PNLDC1: variants seen among roughly 807,000 people sequenced by gnomAD.
PNLDC1 encodes the protein PARN like ribonuclease domain containing exonuclease 1.
In PNLDC1, 70 loss-of-function variants were observed where a neutral mutation model predicts 82.0. That is an observed-to-expected ratio of 0.85 (90% CI 0.70 to 1.04). The LOEUF (loss-of-function observed/expected upper bound fraction) is 1.04. Among genes scored for constraint, PNLDC1 ranks in the 50% least tolerant of loss-of-function variants. The pLI, the probability that PNLDC1 is intolerant of heterozygous loss-of-function variation, is 0.00. For synonymous variants in PNLDC1, 280 were observed against 249.3 expected (o/e 1.12, Z -1.16); for missense variants, 631 against 661.1 (o/e 0.95, Z 0.50).
At chr6:159,803,151 T>G (rs1329775094) in intron 3 of PNLDC1, 120 bp from the exon 4 acceptor site, 3 of 780,178 alleles carry the variant, frequency 3.8e-6, no homozygotes, top group Non-Finnish European at 6.4e-6. Context: ...GATGTTATCC[T>G]GTTGTACAGC....
At chr6:159,810,156 G>T in intron 10 of PNLDC1, 61 bp downstream of exon 10, 2 of 1,470,948 alleles carry the variant, frequency 1.4e-6, no homozygotes, top group South Asian at 2.3e-5. Flanking sequence ...CAGAGGGATT[G>T]GTACACAATC....
At chr6:159,812,791 G>A (rs1781685992) in intron 11 of PNLDC1, among the ~76,000 whole-genome samples, 1 of 152,200 alleles carries the variant, frequency 6.6e-6, no homozygotes, top group African/African-American at 2.4e-5. Flanking sequence ...GGAGGCTGAG[G>A]TGGGTGAATG....
chr6:159,819,524 G>T lies in PNLDC1; in HGVS notation c.1532+172G>T, dbSNP rs1319259949. ...TGTCCTTCAGTGATGCCGCGTGTCT[G>T]TCGAGCACCTGCTGTGCTGGGCACC... On this transcript the variant is annotated intron_variant, in intron 18 of 18. Coordinates refer to ENST00000392167, the MANE Select transcript of PNLDC1 (RefSeq NM_001271862.2). The surrounding 1 kb of genome is among the most constrained non-coding windows in gnomAD (Gnocchi z 4.6). Among the ~76,000 whole-genome samples, 1 of 152,220 alleles carries T rather than the reference G, an allele frequency of 6.6e-6. No individual in the cohort carries two copies. The highest frequency in any genetic ancestry group is 6.5e-5 in the Admixed American group (1 of 15,280).
chr6:159,818,123 C>T (rs971291410), intron 15 of PNLDC1, among the ~76,000 whole-genome samples: 6 of 152,164 alleles, frequency 3.9e-5, no homozygotes, highest in South Asian at 2.1e-4. Context: ...CGGGGCCCTG[C>T]GCTCAGGTGT....
chr6:159,816,620 A>G, intron 14 of PNLDC1, 24 bp downstream of exon 14: 1 of 1,594,506 alleles, frequency 6.3e-7, no homozygotes, highest in Non-Finnish European at 8.5e-7. Context: ...TTCCTTTAAA[A>G]GGAAACTCAC....
intron 14 of PNLDC1, 64 bp from the exon 15 acceptor site, chr6:159,817,045 G>A (rs953642362): frequency 1.4e-6 from 2 of 1,463,784 alleles, no homozygotes; most frequent in African/African-American, 2.8e-5. Flanking sequence ...CACATAATGA[G>A]ATAAAGCATA....
rs1035105342 is a variant in PNLDC1 at position 159,804,160 on chromosome 6, A to G, written c.372+72A>G. The G allele has an allele frequency of 3.2e-6, 5 of 1,550,982 alleles. No individual in the cohort carries two copies. In the Admixed American group the frequency reaches 9.0e-5, roughly 28 times the overall value. On this transcript the variant is annotated intron_variant, in intron 5 of 18. Coordinates refer to ENST00000392167, the MANE Select transcript of PNLDC1 (RefSeq NM_001271862.2). Reference sequence around the variant, plus strand: ...GAGATGGAGTCTCGCTCTGTTGCCCAGGCTGGAGTGCAGTGGTGCAATCTT... The same window carrying G: ...GAGATGGAGTCTCGCTCTGTTGCCCGGGCTGGAGTGCAGTGGTGCAATCTT...
chr6:159,818,262 C>G (rs976142874), intron 15 of PNLDC1, among the ~76,000 whole-genome samples: 1 of 152,202 alleles, frequency 6.6e-6, no homozygotes, highest in Non-Finnish European at 1.5e-5. Flanking sequence ...ATAGTGGCCT[C>G]GCACTGATTC....
intron 1 of PNLDC1, 163 bp downstream of exon 1, chr6:159,800,546 G>C: frequency 7.4e-7 from 1 of 1,343,964 alleles, no homozygotes; most frequent in South Asian, 1.4e-5. Flanking sequence ...GGGACTTTGA[G>C]CAGCAAGTAC....
At position 159,819,895 on chromosome 6, in the gene PNLDC1, C is replaced by G. The variant is rs1781978904; in HGVS notation, c.1532+543C>G. On this transcript the variant is annotated intron_variant, in intron 18 of 18. Coordinates refer to ENST00000392167, the MANE Select transcript of PNLDC1 (RefSeq NM_001271862.2). This position sits in a 1 kb window ranked among gnomAD's most constrained non-coding sequence, Gnocchi z 4.6. Reference sequence around the variant, plus strand: ...CAGTGCCCCCCAGCTGGGGGCCACCCAGGGAGGACGTGGGCTTCTCTCAGG... The same window carrying G: ...CAGTGCCCCCCAGCTGGGGGCCACCGAGGGAGGACGTGGGCTTCTCTCAGG... Among the ~76,000 whole-genome samples the G allele has an allele frequency of 6.6e-6, 1 of 152,058 alleles. No homozygotes were observed. Among genetic ancestry groups the G allele is most frequent in the South Asian group, 2.1e-4 (1 of 4,822 alleles).
intron 5 of PNLDC1, 80 bp from the exon 6 acceptor site, chr6:159,804,469 C>T: frequency 1.0e-6 from 1 of 958,890 alleles, no homozygotes; most frequent in East Asian, 2.5e-5. Flanking sequence ...CCCCTTTCTA[C>T]CTGTCCTCGT....
Position 159,804,037 on chromosome 6 carries a change from C to G in PNLDC1, c.321C>G (p.Phe107Leu). Residue 107 changes from phenylalanine to leucine, a missense_variant, in exon 5 of 19, where the codon TTC becomes TTG. Transcript: ENST00000392167. ...GGATTTTGGACTCAGAATTCTCCTTCCAGGCTTCCAGTGTTCAGTTTTTGA... is the reference window on the plus strand; with the variant it reads ...GGATTTTGGACTCAGAATTCTCCTTGCAGGCTTCCAGTGTTCAGTTTTTGA... The part of the protein sequence containing the change: ...TFGILDSEFS[F>L]QASSVQFLNQ... 2.5e-6 allele frequency: 4 copies of G among 1,614,142 alleles called. No homozygotes were observed. In the South Asian group the frequency reaches 4.4e-5, roughly 18 times the overall value.
At chr6:159,811,599 C>T in intron 10 of PNLDC1, 102 bp from the exon 11 acceptor site, 1 of 834,624 alleles carries the variant, frequency 1.2e-6, no homozygotes, top group South Asian at 1.5e-5. Context: ...TTTCAGTTTG[C>T]TTTATTAATC....
intron 7 of PNLDC1, among the ~76,000 whole-genome samples, chr6:159,807,170 G>C (rs1176792121): frequency 1.3e-5 from 2 of 152,132 alleles, no homozygotes; most frequent in Non-Finnish European, 2.9e-5. Flanking sequence ...TGGGATAACA[G>C]GCATGAGCCA....
intron 7 of PNLDC1, among the ~76,000 whole-genome samples, chr6:159,807,976 C>T (rs148461510): frequency 6.6e-6 from 1 of 151,730 alleles, no homozygotes; most frequent in East Asian, 1.9e-4. Flanking sequence ...TGCAGTGGCA[C>T]CATCTTGGCT....
In PNLDC1 at chr6:159,806,051, A is replaced by AAGGC; in HGVS notation, c.531_534dup (p.Asp179ArgfsTer16). ...ACGCGGTGGCTGGAGCTGGCCAAGG[A>AAGGC]AGGCGACTGGATGACTCTTCCTGGG... On this transcript the variant is annotated frameshift_variant, in exon 7 of 19. Coordinates refer to ENST00000392167, the MANE Select transcript of PNLDC1 (RefSeq NM_001271862.2). LOFTEE classifies it high-confidence loss of function. 1 of 1,614,132 alleles carries AAGGC rather than the reference A, an allele frequency of 6.2e-7. No homozygotes were observed. The highest frequency in any genetic ancestry group is 8.5e-7 in the Non-Finnish European group (1 of 1,180,012).
chr6:159,820,332 A>C (rs1269955446), intron 18 of PNLDC1, 122 bp from the exon 19 acceptor site: 7 of 907,892 alleles, frequency 7.7e-6, no homozygotes, highest in Non-Finnish European at 1.2e-5. Context: ...TGTCGTCGGG[A>C]GAGTGACAGC....
chr6:159,805,259 G>A (rs1270946412), intron 6 of PNLDC1, among the ~76,000 whole-genome samples: 3 of 152,188 alleles, frequency 2.0e-5, no homozygotes, highest in East Asian at 1.9e-4. Context: ...GTGGGTAGAC[G>A]GACCGGGGGC....
intron 7 of PNLDC1, among the ~76,000 whole-genome samples, chr6:159,807,502 A>T (rs1307925122): frequency 1.3e-5 from 2 of 152,240 alleles, no homozygotes; most frequent in Non-Finnish European, 2.9e-5. Context: ...TACATGTGCC[A>T]CCGTAAGCTT....
Sources: allele counts gnomAD v4.1 joint callset (sites outside exome capture counted in the v4.1 genomes callset), GRCh38; gene constraint gnomAD v4.1.1; non-coding constraint Gnocchi (gnomAD v3.1); transcripts MANE v1.5; gene names NCBI Gene and HGNC (gene_info 2026-07-23, HGNC 2026-07-21).